Variants in PPARGC1A observed in about 807,000 individuals in gnomAD.
PPARGC1A encodes the protein PPARG coactivator 1 alpha, also known as peroxisome proliferator-activated receptor gamma coactivator 1-alpha.
Under a neutral mutation model 88.7 loss-of-function variants are expected in PPARGC1A, and 25 were observed. The observed-to-expected ratio is 0.28, with a 90% CI of 0.21 to 0.39. The LOEUF (loss-of-function observed/expected upper bound fraction) is 0.39, where lower values mean the gene tolerates loss of function less well. Ranked by LOEUF, PPARGC1A falls within the 10% of genes least tolerant of loss-of-function variation. PPARGC1A has a pLI of 1.00. For missense variants in PPARGC1A, 880 were observed against 968.7 expected (o/e 0.91, Z 1.22); for synonymous variants, 363 against 355.6 (o/e 1.02, Z -0.24).
the PPARGC1A span, among the ~76,000 whole-genome samples, chr4:24,220,455 A>C: frequency 6.6e-6 from 1 of 152,234 alleles, no homozygotes. Context: ...CACAATAGCA[A>C]AGACATGAAA....
the PPARGC1A span, among the ~76,000 whole-genome samples, chr4:24,254,377 G>A: frequency 2.0e-5 from 3 of 152,228 alleles, no homozygotes; most frequent in East Asian, 3.9e-4. Flanking sequence ...CTTTTCAGAG[G>A]CTCCACAAAG....
At chr4:23,823,938 G>C (rs1199892513) in intron 7 of PPARGC1A, among the ~76,000 whole-genome samples, 2 of 152,066 alleles carry the variant, frequency 1.3e-5, no homozygotes, top group African/African-American at 4.8e-5. Context: ...GCAATGGCCA[G>C]AGCCAAGGAA....
At chr4:24,269,845 G>A in the PPARGC1A span, among the ~76,000 whole-genome samples, 1 of 152,166 alleles carries the variant, frequency 6.6e-6, no homozygotes, top group Non-Finnish European at 1.5e-5. Flanking sequence ...GTGCAAACTT[G>A]TATAAAGCTC....
the PPARGC1A span, among the ~76,000 whole-genome samples, chr4:24,083,977 A>G: frequency 6.6e-6 from 1 of 152,218 alleles, no homozygotes; most frequent in Non-Finnish European, 1.5e-5. Flanking sequence ...CCTATGAGAT[A>G]GATTACTATC....
chr4:24,290,457 A>AG, the PPARGC1A span, among the ~76,000 whole-genome samples: 1 of 152,156 alleles, frequency 6.6e-6, no homozygotes, highest in African/African-American at 2.4e-5. Context: ...AGCCTCTCTG[A>AG]GCCTCCATTT....
chr4:24,274,939 T>C, the PPARGC1A span, among the ~76,000 whole-genome samples: 2 of 152,316 alleles, frequency 1.3e-5, no homozygotes, highest in East Asian at 3.9e-4. Flanking sequence ...TCTTCCTCCA[T>C]GTGAAATATA....
chr4:24,267,911 G>A, the PPARGC1A span, among the ~76,000 whole-genome samples: 81 of 152,130 alleles, frequency 5.3e-4, no homozygotes, highest in Non-Finnish European at 5.9e-5. Context: ...TCTTTGTGGT[G>A]ATCTAGCAAT....
chr4:23,947,491 C>A, the PPARGC1A span, among the ~76,000 whole-genome samples: 1 of 150,882 alleles, frequency 6.6e-6, no homozygotes, highest in East Asian at 2.0e-4. Context: ...AGGATTTGAA[C>A]TGGGCAGTGT....
the PPARGC1A span, among the ~76,000 whole-genome samples, chr4:24,147,963 A>AC: frequency 1.4e-4 from 21 of 152,096 alleles, no homozygotes; most frequent in African/African-American, 3.4e-4. Flanking sequence ...AAACAAACAA[A>AC]AAAAATACAG....
At chr4:24,071,023 C>T in the PPARGC1A span, among the ~76,000 whole-genome samples, 1 of 152,190 alleles carries the variant, frequency 6.6e-6, no homozygotes, top group Non-Finnish European at 1.5e-5. Context: ...ATTATGTTTT[C>T]TTTCAGCATG....
chr4:23,919,505 A>C, the PPARGC1A span, among the ~76,000 whole-genome samples: 2 of 123,782 alleles, frequency 1.6e-5, no homozygotes, highest in Non-Finnish European at 3.5e-5. Context: ...AGGACTTTGG[A>C]GTTTGAAATA....
At chr4:23,905,315 C>A (rs1226130033), upstream of PPARGC1A, among the ~76,000 whole-genome samples, 1 of 152,174 alleles carries the variant, frequency 6.6e-6, no homozygotes, top group Non-Finnish European at 1.5e-5. Context: ...CCCCAGATAA[C>A]CCTTTTCATT....
the PPARGC1A span, among the ~76,000 whole-genome samples, chr4:24,378,930 AATGGAGTTTTATT>A: frequency 6.6e-6 from 1 of 152,174 alleles, no homozygotes; most frequent in Non-Finnish European, 1.5e-5. Flanking sequence ...CTAAAGGGTT[AATGGAGTTTTATT>A]ATACCAGGCA....
the PPARGC1A span, among the ~76,000 whole-genome samples, chr4:24,273,725 CTTTT>C: frequency 8.9e-5 from 9 of 100,954 alleles, 1 homozygote; most frequent in Admixed American, 1.1e-4. Flanking sequence ...CCTTGGGGCA[CTTTT>C]TTTTTTTTTT....
At chr4:23,897,845 T>G (rs1308478157) in intron 1 of PPARGC1A, among the ~76,000 whole-genome samples, 1 of 152,178 alleles carries the variant, frequency 6.6e-6, no homozygotes, top group African/African-American at 2.4e-5. Flanking sequence ...AGAGAAACAG[T>G]GGGCTTTCAT....
At chr4:24,201,737 C>T in the PPARGC1A span, among the ~76,000 whole-genome samples, 1 of 152,074 alleles carries the variant, frequency 6.6e-6, no homozygotes, top group Non-Finnish European at 1.5e-5. Flanking sequence ...ATTTACCTAC[C>T]TTCATAAACA....
the PPARGC1A span, among the ~76,000 whole-genome samples, chr4:24,336,591 A>C: frequency 2.0e-5 from 3 of 152,214 alleles, no homozygotes; most frequent in Non-Finnish European, 4.4e-5. Context: ...TATATCACAC[A>C]TTCATGTATC....
intron 12 of PPARGC1A, among the ~76,000 whole-genome samples, chr4:23,799,677 T>C (rs924174434): frequency 2.0e-5 from 3 of 152,182 alleles, no homozygotes; most frequent in Non-Finnish European, 2.9e-5. Context: ...AAAGTTTCTA[T>C]TGCTGCCGGC....
At chr4:24,365,762 T>A in the PPARGC1A span, among the ~76,000 whole-genome samples, 1 of 152,220 alleles carries the variant, frequency 6.6e-6, no homozygotes, top group South Asian at 2.1e-4. Context: ...AGCAATAGTT[T>A]TTTTTTAATA....
Sources: gnomAD v4.1 joint callset for allele counts (sites outside exome capture counted in the v4.1 genomes callset) on GRCh38, gnomAD v4.1.1 for gene constraint, MANE v1.5 for transcripts, NCBI Gene and HGNC (gene_info 2026-07-23, HGNC 2026-07-21) for gene names.